Variants in UBR2 observed in about 807,000 individuals in gnomAD.
UBR2 encodes ubiquitin protein ligase E3 component n-recognin 2, also known as E3 ubiquitin-protein ligase UBR2.
UBR2 carries 92 observed loss-of-function variants against 247.9 expected under a neutral mutation model. The observed-to-expected ratio is 0.37, with a 90% CI of 0.31 to 0.44. The LOEUF (loss-of-function observed/expected upper bound fraction) is 0.44. Ranked by LOEUF, UBR2 falls within the 20% of genes least tolerant of loss-of-function variation. UBR2 has a pLI of 1.00. For missense variants in UBR2, 1,613 were observed against 2,112.6 expected (o/e 0.76, Z 4.64); for synonymous variants, 672 against 693.5 (o/e 0.97, Z 0.49).
At chr6:42,627,271 G>A (rs1422387854) in intron 11 of UBR2, among the ~76,000 whole-genome samples, 1 of 152,112 alleles carries the variant, frequency 6.6e-6, no homozygotes, top group Non-Finnish European at 1.5e-5. Context: ...TCAGTATGCA[G>A]GGTCTGAAAA....
At chr6:42,600,905 C>A (rs773360334) in intron 4 of UBR2, among the ~76,000 whole-genome samples, 3 of 152,162 alleles carry the variant, frequency 2.0e-5, no homozygotes, top group East Asian at 1.9e-4. Flanking sequence ...AGTCCTCCCA[C>A]CTCGGCCTTG....
At position 42,688,376 on chromosome 6, in the gene UBR2, A is replaced by G; in HGVS notation, c.5014A>G (p.Ile1672Val). 1.2e-6 allele frequency: 2 copies of G among 1,613,156 alleles called. No homozygotes were observed. Among genetic ancestry groups the G allele is most frequent in the Non-Finnish European group, 1.7e-6 (2 of 1,180,010 alleles). ...CTACTCCTGTGGCTCTGGAGTGGGC[A>G]TCTTCCTGAGGTAAGGACCTGCAGG... ...HTYSCGSGVG[I>V]FLRVRECQVL... The change falls in exon 45 of 47, where the codon ATC becomes GTC. Residue 1672 changes from isoleucine (I) to valine (V), a missense_variant. Transcript: ENST00000372901.
At position 42,580,477 on chromosome 6, in the gene UBR2, C is replaced by T. The variant is rs111534421; in HGVS notation, c.338+6484C>T. Among the ~76,000 whole-genome samples the T allele has an allele frequency of 1.3e-3, 203 of 152,260 alleles. 3 individuals carry two copies. Among genetic ancestry groups the T allele is most frequent in the African/African-American group, 4.6e-3 (192 of 41,542 alleles). On this transcript the variant is annotated intron_variant, in intron 2 of 46. Coordinates refer to ENST00000372901, the MANE Select transcript of UBR2 (RefSeq NM_001363705.2). ...TTACTAAAATTTTATCTCTTGGCCC[C>T]TCTGTGAGTTTTGAGTGTTTTTTCT...
chr6:42,649,780 A>G (rs1020325770), intron 22 of UBR2, among the ~76,000 whole-genome samples: 1 of 132,868 alleles, frequency 7.5e-6, no homozygotes, highest in African/African-American at 2.9e-5. Context: ...CTTATTTAAT[A>G]CATCACAGTA....
At chr6:42,665,648 A>G in intron 33 of UBR2, 136 bp downstream of exon 33, 1 of 678,022 alleles carries the variant, frequency 1.5e-6, no homozygotes. Flanking sequence ...TGTCTTAATA[A>G]ACTAAATTTG....
intron 2 of UBR2, among the ~76,000 whole-genome samples, chr6:42,575,853 A>G (rs987930247): frequency 1.3e-5 from 2 of 152,128 alleles, no homozygotes; most frequent in African/African-American, 4.8e-5. Context: ...TGAGACTATT[A>G]AGTATCCTCT....
chr6:42,673,715 G>A, intron 36 of UBR2, 76 bp from the exon 37 acceptor site: 1 of 1,012,702 alleles, frequency 9.9e-7, no homozygotes, highest in East Asian at 2.4e-5. Context: ...GCATCCAGCT[G>A]TGCTCTGAAC....
intron 42 of UBR2, 118 bp downstream of exon 42, chr6:42,679,950 T>C (rs2151990666): frequency 1.5e-6 from 1 of 649,004 alleles, no homozygotes; most frequent in South Asian, 2.0e-5. Flanking sequence ...ACACAAATAA[T>C]TCAAACTATA....
intron 43 of UBR2, 56 bp from the exon 44 acceptor site, chr6:42,684,738 T>C: frequency 7.2e-7 from 1 of 1,384,564 alleles, no homozygotes; most frequent in South Asian, 1.2e-5. Flanking sequence ...AAGTGCCTCA[T>C]AGTATAATAT....
chr6:42,659,845 T>C lies in UBR2; in HGVS notation c.3432T>C (p.Ile1144=). The C allele has an allele frequency of 2.2e-5, 35 of 1,614,028 alleles. No homozygotes were observed. The highest frequency in any genetic ancestry group is 2.9e-5 in the Non-Finnish European group (34 of 1,179,976). The stretch of plus-strand genomic sequence containing the variant: ...TATCAAAAAACAGAAGTAAATTTAT[T>C]CAAGATCCAGGTAAGTCATAGCTAG... The part of the protein sequence containing the change: ...TVLSKNRSKF[I]QDPEKYDPLF... Residue 1144 remains isoleucine (I), a synonymous_variant, in exon 30 of 47, where the codon ATT becomes ATC. Transcript: ENST00000372901. The surrounding 1 kb of genome is among the most constrained non-coding windows in gnomAD (Gnocchi z 4.3).
intron 26 of UBR2, 31 bp from the exon 27 acceptor site, chr6:42,657,993 T>A: frequency 6.6e-7 from 1 of 1,522,356 alleles, no homozygotes; most frequent in Non-Finnish European, 9.1e-7. Context: ...TATTAGCTAT[T>A]GTTATTGTGC....
At chr6:42,607,293 A>G (rs989263996) in intron 7 of UBR2, among the ~76,000 whole-genome samples, 2 of 149,876 alleles carry the variant, frequency 1.3e-5, no homozygotes, top group African/African-American at 4.9e-5. Flanking sequence ...TCAGCCTTCC[A>G]AGTAACTGGG....
intron 3 of UBR2, 66 bp from the exon 4 acceptor site, chr6:42,594,119 ATATTCT>A (rs1484658794): frequency 1.0e-4 from 121 of 1,176,322 alleles, no homozygotes; most frequent in Non-Finnish European, 1.4e-4. Context: ...TTAGCACTTG[ATATTCT>A]TATTTATTAT....
intron 15 of UBR2, among the ~76,000 whole-genome samples, chr6:42,639,975 C>G (rs1250725826): frequency 6.6e-6 from 1 of 152,138 alleles, no homozygotes; most frequent in Non-Finnish European, 1.5e-5. Context: ...TTGCAGTGAT[C>G]CAAGATCGCG....
rs575981743 is a variant in UBR2 at position 42,625,860 on chromosome 6, T to C, written c.1282-6692T>C. On this transcript the variant is annotated intron_variant, in intron 11 of 46. Coordinates refer to ENST00000372901, the MANE Select transcript of UBR2 (RefSeq NM_001363705.2). ...GCGGAGTCTCGCTCTGTCGCCCAGG[T>C]TGGAGTGCAGTGGTGCGATCTCGGC... Among the ~76,000 whole-genome samples, 30 of 150,084 alleles carry C rather than the reference T, an allele frequency of 2.0e-4. No individual in the cohort carries two copies. The East Asian group carries it at 5.7e-3, about 29-fold the overall frequency.
At chr6:42,614,244 A>ACG (rs1263820820) in intron 8 of UBR2, among the ~76,000 whole-genome samples, 1 of 24,720 alleles carries the variant, frequency 4.0e-5, no homozygotes, top group African/African-American at 1.5e-4. Flanking sequence ...ACACACACAC[A>ACG]CGCGCGCACA....
chr6:42,603,646 T>C lies in UBR2; in HGVS notation c.590T>C (p.Ile197Thr). ...VIARTYNIFAITFRYAVEILT... is the reference protein window; with the variant it reads ...VIARTYNIFATTFRYAVEILT... ...GCAAGAACTTATAACATTTTTGCTA[T>C]TACGTTTCGGTATGCAGTAGAAATA... is the stretch of plus-strand genomic sequence containing the variant. The change falls in exon 5 of 47, where the codon ATT becomes ACT. Residue 197 changes from isoleucine (I) to threonine (T), a missense_variant. Physicochemically the swap from Ile to Thr is moderately conservative, Grantham distance 89. Around this residue, in one of 3 missense-constraint regions of UBR2, gnomAD observed 1,524 missense variants for 1,967.3 expected, o/e 0.77. Coordinates refer to ENST00000372901, the MANE Select transcript of UBR2 (RefSeq NM_001363705.2). 6.2e-7 allele frequency: 1 copy of C among 1,600,166 alleles called. No homozygotes were observed. The highest frequency in any genetic ancestry group is 1.1e-5 in the South Asian group (1 of 87,300).
intron 37 of UBR2, 103 bp downstream of exon 37, chr6:42,673,990 A>T: frequency 7.8e-7 from 1 of 1,275,990 alleles, no homozygotes; most frequent in African/African-American, 1.5e-5. Flanking sequence ...ATTTAGTAGT[A>T]CTGGTTTTCT....
chr6:42,596,138 G>A (rs1792959350), intron 4 of UBR2, among the ~76,000 whole-genome samples: 2 of 147,598 alleles, frequency 1.4e-5, no homozygotes, highest in African/African-American at 2.5e-5. Flanking sequence ...AGTATGCAGA[G>A]TTTATATCTT....
Sources: gnomAD v4.1 joint callset for allele counts (sites outside exome capture counted in the v4.1 genomes callset) on GRCh38, gnomAD v4.1.1 for gene constraint, gnomAD v4.1.1 regional missense constraint, Gnocchi (gnomAD v3.1) non-coding constraint, MANE v1.5 for transcripts, NCBI Gene and HGNC (gene_info 2026-07-23, HGNC 2026-07-21) for gene names.